Variants in METAP1 observed in about 807,000 individuals in gnomAD.
METAP1 encodes methionyl aminopeptidase 1.
Under a neutral mutation model 53.8 loss-of-function variants are expected in METAP1, and 28 were observed. The ratio of observed to expected loss-of-function variants is 0.52; its 90% CI spans 0.39 to 0.71. The LOEUF is 0.71. Ranked by LOEUF, METAP1 falls within the 30% of genes least tolerant of loss-of-function variation. METAP1 has a pLI of 0.00. For synonymous variants in METAP1, 181 were observed against 165.7 expected (o/e 1.09, Z -0.71); for missense variants, 389 against 479.8 (o/e 0.81, Z 1.77).
At chr4:99,046,439 G>A (rs1289072879) in intron 8 of METAP1, among the ~76,000 whole-genome samples, 1 of 152,094 alleles carries the variant, frequency 6.6e-6, no homozygotes, top group Admixed American at 6.5e-5. Context: ...GTTCTTAACA[G>A]CATCTTGTTG....
chr4:99,059,625 G>A (rs62325212), intron 10 of METAP1, among the ~76,000 whole-genome samples: 2 of 152,130 alleles, frequency 1.3e-5, no homozygotes, highest in East Asian at 1.9e-4. Flanking sequence ...AAGAAAGCTC[G>A]CAAATACATC....
intron 1 of METAP1, among the ~76,000 whole-genome samples, chr4:99,025,757 C>G (rs1724517465): frequency 6.6e-6 from 1 of 152,168 alleles, no homozygotes; most frequent in Non-Finnish European, 1.5e-5. Context: ...ACCCTTCCAG[C>G]ATTAGCATCA....
At chr4:99,003,179 G>A (rs977175580) in intron 1 of METAP1, among the ~76,000 whole-genome samples, 1 of 152,244 alleles carries the variant, frequency 6.6e-6, no homozygotes. Flanking sequence ...CCTTTAAAGA[G>A]TGGTTAGGAT....
At chr4:99,023,565 G>T in intron 1 of METAP1, 1 of 985,164 alleles carries the variant, frequency 1.0e-6, no homozygotes, top group Non-Finnish European at 1.2e-6. Context: ...AGAGAGAGAG[G>T]TAATACAGGA....
chr4:99,001,467 G>A (rs1034175208), intron 1 of METAP1, among the ~76,000 whole-genome samples: 6 of 152,108 alleles, frequency 3.9e-5, no homozygotes, highest in South Asian at 4.1e-4. Context: ...ACATATTTGC[G>A]TATTTATTCA....
chr4:99,060,753 T>A (rs544317377), intron 10 of METAP1, among the ~76,000 whole-genome samples: 1 of 152,306 alleles, frequency 6.6e-6, no homozygotes, highest in African/African-American at 2.4e-5. Context: ...AATGTCCTTT[T>A]TAAAAAATTT....
At chr4:99,060,531 TTTTTTGTA>T (rs1486568719) in intron 10 of METAP1, among the ~76,000 whole-genome samples, 2 of 151,782 alleles carry the variant, frequency 1.3e-5, no homozygotes, top group Non-Finnish European at 2.9e-5. Flanking sequence ...GCCCGGGTGA[TTTTTTGTA>T]TTTTTAGTAG....
Position 99,034,253 on chromosome 4 carries a change from G to T in METAP1, c.190G>T (p.Val64Leu). ...KAKDEKAKRE[V>L]SSWTVEGDIN... is the part of the protein sequence containing the mutation. ...AGAAGATGAAAAGGCGAAGCGAGAAGTGTCTTCCTGGACTGTGGAAGGTGA... is the reference window on the plus strand; with the variant it reads ...AGAAGATGAAAAGGCGAAGCGAGAATTGTCTTCCTGGACTGTGGAAGGTGA... Residue 64 changes from valine to leucine, a missense_variant, in exon 3 of 11, where the codon GTG becomes TTG. Physicochemically the swap from Val to Leu is conservative, Grantham distance 32. Transcript: ENST00000296411. 1 of 1,550,324 alleles carries T rather than the reference G, an allele frequency of 6.5e-7. No homozygotes were observed. Among genetic ancestry groups the T allele is most frequent in the African/African-American group, 1.4e-5 (1 of 73,108 alleles).
intron 9 of METAP1, 73 bp from the exon 10 acceptor site, chr4:99,057,680 C>G: frequency 9.3e-7 from 1 of 1,073,838 alleles, no homozygotes; most frequent in Non-Finnish European, 1.4e-6. Context: ...GAGTTATGTA[C>G]TCTTTCTAGT....
At chr4:99,025,282 A>G (rs557073793) in intron 1 of METAP1, 4 of 764,448 alleles carry the variant, frequency 5.2e-6, no homozygotes, top group East Asian at 1.3e-4. Context: ...GAACAAGGAC[A>G]GCTTGGAGGT....
chr4:99,038,828 C>A (rs1290657948), intron 4 of METAP1, among the ~76,000 whole-genome samples: 3 of 152,106 alleles, frequency 2.0e-5, no homozygotes, highest in African/African-American at 7.2e-5. Context: ...TATTCCTACT[C>A]CGTATAATAC....
At chr4:99,005,516 C>T (rs1379088307) in intron 1 of METAP1, among the ~76,000 whole-genome samples, 1 of 152,150 alleles carries the variant, frequency 6.6e-6, no homozygotes, top group East Asian at 1.9e-4. Context: ...AAAGGGAATA[C>T]TTAAACACTG....
chr4:99,039,510 T>C lies in METAP1; in HGVS notation c.432+45T>C, dbSNP rs761427331. On this transcript the variant is annotated intron_variant, in intron 5 of 10. Coordinates refer to ENST00000296411, the MANE Select transcript of METAP1 (RefSeq NM_015143.3). ...CATGGGGTAGGAAATGTTTAAGCAG[T>C]ACTTAGACATGAAGTCAGTGGTTTG... is the stretch of plus-strand genomic sequence containing the variant. 2.0e-5 allele frequency: 23 copies of C among 1,151,652 alleles called. No individual in the cohort carries two copies. The South Asian group carries it at 2.6e-4, about 13-fold the overall frequency. The allele number at this position is 1,151,652 out of a possible 1,614,324, so 71.3% of individuals were successfully genotyped here.
At chr4:99,021,030 T>C (rs1248664653) in intron 1 of METAP1, among the ~76,000 whole-genome samples, 1 of 152,186 alleles carries the variant, frequency 6.6e-6, no homozygotes, top group Non-Finnish European at 1.5e-5. Context: ...ATCCCCCAGA[T>C]CCTCCAGCTC....
At chr4:99,053,047 C>G (rs1171274261) in intron 9 of METAP1, among the ~76,000 whole-genome samples, 1 of 152,172 alleles carries the variant, frequency 6.6e-6, no homozygotes, top group African/African-American at 2.4e-5. Flanking sequence ...CCACTCACAT[C>G]CTCAGGCTCC....
chr4:99,014,633 TG>T (rs1407330721), intron 1 of METAP1, among the ~76,000 whole-genome samples: 1 of 152,188 alleles, frequency 6.6e-6, no homozygotes, highest in Non-Finnish European at 1.5e-5. Context: ...TCAAAGGATC[TG>T]TAAGGAGCTC....
chr4:99,031,467 C>T (rs1294475564), intron 2 of METAP1: 1 of 1,284,528 alleles, frequency 7.8e-7, no homozygotes, highest in Non-Finnish European at 1.0e-6. Flanking sequence ...CTTCCACTCC[C>T]CTACCCATTC....
chr4:98,999,438 A>T (rs567195708), intron 1 of METAP1, among the ~76,000 whole-genome samples: 1 of 150,624 alleles, frequency 6.6e-6, no homozygotes, highest in Non-Finnish European at 1.5e-5. Context: ...AACTTAATGA[A>T]TGTTAGCTCT....
intron 1 of METAP1, among the ~76,000 whole-genome samples, chr4:99,004,639 T>G (rs2110278234): frequency 6.6e-6 from 1 of 152,330 alleles, no homozygotes; most frequent in Middle Eastern, 3.4e-3. Flanking sequence ...AGGCTCCTTT[T>G]TCTTTGTCCC....
Sources: gnomAD v4.1 joint callset for allele counts (sites outside exome capture counted in the v4.1 genomes callset) on GRCh38, gnomAD v4.1.1 for gene constraint, MANE v1.5 for transcripts, NCBI Gene and HGNC (gene_info 2026-07-23, HGNC 2026-07-21) for gene names.